The following DLG2 variants were observed in gnomAD, a reference collection of about 807,000 sequenced individuals.
DLG2 encodes the protein discs large MAGUK scaffold protein 2.
Under a neutral mutation model 132.5 loss-of-function variants are expected in DLG2, and 45 were observed. That is an observed-to-expected ratio of 0.34 (90% confidence interval 0.27 to 0.44). DLG2 has a LOEUF of 0.44. DLG2 is among the 20% of genes least tolerant of loss of function. DLG2 has a pLI of 1.00. For synonymous variants in DLG2, 424 were observed against 419.6 expected (o/e 1.01, Z -0.13); for missense variants, 1,045 against 1,196.9 (o/e 0.87, Z 1.87).
intron 19 of DLG2, among the ~76,000 whole-genome samples, chr11:83,590,228 A>C (rs2097164007): frequency 2.0e-5 from 3 of 151,450 alleles, no homozygotes; most frequent in Admixed American, 2.0e-4. Flanking sequence ...AAAATTGACC[A>C]CATAGTTGGA....
intron 7 of DLG2, among the ~76,000 whole-genome samples, chr11:84,496,965 A>G (rs2099186199): frequency 6.6e-6 from 1 of 152,158 alleles, no homozygotes; most frequent in Admixed American, 6.5e-5. Context: ...ATTACAGAGA[A>G]TAATAGGTTA....
At chr11:84,210,888 CTA>C (rs1281930173) in intron 8 of DLG2, among the ~76,000 whole-genome samples, 1 of 152,162 alleles carries the variant, frequency 6.6e-6, no homozygotes, top group Non-Finnish European at 1.5e-5. Flanking sequence ...TGTCAGTACT[CTA>C]TATCTCAGTT....
intron 6 of DLG2, among the ~76,000 whole-genome samples, chr11:84,908,766 T>TGTCTATCA (rs1347234685): frequency 6.6e-6 from 1 of 151,558 alleles, no homozygotes; most frequent in Non-Finnish European, 1.5e-5. Context: ...GGGATGCTAA[T>TGTCTATCA]GTCTATCATA....
chr11:85,126,207 C>T (rs1199681618), intron 5 of DLG2, among the ~76,000 whole-genome samples: 2 of 152,202 alleles, frequency 1.3e-5, no homozygotes, highest in African/African-American at 4.8e-5. Flanking sequence ...AAGATGGTCT[C>T]GTCCATGTAT....
chr11:84,417,708 T>C (rs992587870), intron 7 of DLG2, among the ~76,000 whole-genome samples: 3 of 152,192 alleles, frequency 2.0e-5, no homozygotes, highest in African/African-American at 7.2e-5. Flanking sequence ...TCTTCATTTC[T>C]CACTGGATGC....
intron 8 of DLG2, among the ~76,000 whole-genome samples, chr11:84,180,377 A>T (rs1379005777): frequency 6.6e-6 from 1 of 152,116 alleles, no homozygotes; most frequent in East Asian, 1.9e-4. Flanking sequence ...CATTTAAGAA[A>T]TGTGAGACAT....
intron 6 of DLG2, among the ~76,000 whole-genome samples, chr11:84,541,118 C>T (rs967473750): frequency 6.6e-6 from 1 of 151,934 alleles, no homozygotes; most frequent in East Asian, 1.9e-4. Context: ...TGTAGCACAC[C>T]AACATGGCAC....
intron 3 of DLG2, among the ~76,000 whole-genome samples, chr11:85,542,445 G>A (rs564597549): frequency 1.6e-4 from 24 of 152,276 alleles, no homozygotes; most frequent in African/African-American, 5.5e-4. Flanking sequence ...ATCCTTTGAA[G>A]ATAAAATAGG....
chr11:83,729,976 A>G (rs1415676105), intron 18 of DLG2, among the ~76,000 whole-genome samples: 1 of 152,130 alleles, frequency 6.6e-6, no homozygotes, highest in African/African-American at 2.4e-5. Context: ...GCTTTATAGA[A>G]CCAAAAATAA....
chr11:85,588,595 T>C (rs1023502868), intron 3 of DLG2, among the ~76,000 whole-genome samples: 4 of 152,224 alleles, frequency 2.6e-5, no homozygotes, highest in Non-Finnish European at 4.4e-5. Flanking sequence ...TATTGTTTTT[T>C]AAATTTGTTT....
chr11:85,386,839 T>C (rs2086373820), intron 3 of DLG2, among the ~76,000 whole-genome samples: 1 of 141,894 alleles, frequency 7.0e-6, no homozygotes, highest in Non-Finnish European at 1.5e-5. Context: ...AAAGAGAGGG[T>C]AAGACAATAG....
At chr11:83,488,607 T>G (rs1264714660) in intron 21 of DLG2, among the ~76,000 whole-genome samples, 1 of 152,050 alleles carries the variant, frequency 6.6e-6, no homozygotes, top group East Asian at 1.9e-4. Flanking sequence ...CTCATCTTCC[T>G]GTTCTTATTT....
intron 6 of DLG2, among the ~76,000 whole-genome samples, chr11:84,952,198 C>A (rs1273709206): frequency 2.0e-5 from 3 of 152,252 alleles, no homozygotes; most frequent in African/African-American, 7.2e-5. Flanking sequence ...AAGTAACTCA[C>A]TGCCTCTAAT....
At chr11:83,770,439 T>C (rs1011549307) in intron 18 of DLG2, among the ~76,000 whole-genome samples, 1 of 151,948 alleles carries the variant, frequency 6.6e-6, no homozygotes, top group South Asian at 2.1e-4. Context: ...GGATGAAACA[T>C]CAAGGCCTGT....
chr11:84,448,781 T>G (rs947342788), intron 7 of DLG2, among the ~76,000 whole-genome samples: 1 of 152,056 alleles, frequency 6.6e-6, no homozygotes, highest in Non-Finnish European at 1.5e-5. Flanking sequence ...CGAACGCCTA[T>G]GAAACACTCA....
At chr11:83,901,439 T>A (rs2154099160) in intron 15 of DLG2, among the ~76,000 whole-genome samples, 1 of 152,266 alleles carries the variant, frequency 6.6e-6, no homozygotes, top group South Asian at 2.1e-4. Context: ...GGAAGAGAAT[T>A]GAATCATGGG....
intron 6 of DLG2, among the ~76,000 whole-genome samples, chr11:84,555,562 T>C (rs1224978941): frequency 6.6e-6 from 1 of 152,118 alleles, no homozygotes. Flanking sequence ...AGGTTGGTAA[T>C]AAAAAGACAA....
At chr11:84,032,123 T>G (rs1330244808) in intron 11 of DLG2, among the ~76,000 whole-genome samples, 1 of 152,148 alleles carries the variant, frequency 6.6e-6, no homozygotes, top group East Asian at 1.9e-4. Flanking sequence ...CGAGGCTAAA[T>G]AATAACCCTT....
At chr11:83,758,167 C>T (rs1332303134) in intron 18 of DLG2, among the ~76,000 whole-genome samples, 1 of 152,164 alleles carries the variant, frequency 6.6e-6, no homozygotes, top group Non-Finnish European at 1.5e-5. Flanking sequence ...CTCTATTACC[C>T]AACAACTCTG....
Sources: allele counts gnomAD v4.1 joint callset (sites outside exome capture counted in the v4.1 genomes callset), GRCh38; gene constraint gnomAD v4.1.1; transcripts MANE v1.5; gene names NCBI Gene and HGNC (gene_info 2026-07-23, HGNC 2026-07-21).